ACTR5: variants seen among roughly 807,000 people sequenced by gnomAD.
The protein encoded by ACTR5 is actin related protein 5.
ACTR5 carries 43 observed loss-of-function variants against 61.2 expected under a neutral mutation model. The observed-to-expected ratio is 0.70, with a 90% CI of 0.55 to 0.91. The LOEUF is 0.91. Among genes scored for constraint, ACTR5 ranks in the 40% least tolerant of loss-of-function variants. The pLI, the probability that ACTR5 is intolerant of heterozygous loss-of-function variation, is 0.00. For missense variants in ACTR5, 798 were observed against 782.2 expected, an observed-to-expected ratio of 1.02 and a Z score of -0.24; for synonymous variants, 333 against 310.5, an observed-to-expected ratio of 1.07 and a Z score of -0.76.
Position 38,750,213 on chromosome 20 carries a change from G to T in ACTR5, c.579G>T (p.Thr193=). Residue 193 remains threonine, a synonymous_variant, in exon 2 of 9, where the codon ACG becomes ACT. Transcript: ENST00000243903. ...GLIISSGYQC[T]HVLPILEGRL... ...TCATTTCATCTGGATACCAGTGTAC[G>T]CATGTTTTACCCATCTTAGAAGGGA... 1.2e-6 allele frequency: 2 copies of T among 1,614,136 alleles called. No homozygotes were observed. The highest frequency in any genetic ancestry group is 1.7e-6 in the Non-Finnish European group (2 of 1,179,994).
chr20:38,761,727 C>G (rs2084455871), intron 5 of ACTR5: 1 of 154,174 alleles, frequency 6.5e-6, no homozygotes, highest in Admixed American at 6.5e-5. Context: ...ATACGAGTAG[C>G]TGCGCTCCCC....
In ACTR5 at chr20:38,755,070, A is replaced by AGGCGGCAGCAGCAATTGC; in HGVS notation, c.896_913dup (p.Gln299_Arg304dup). Reference sequence around the variant, plus strand: ...TCTGACCTCTGAGGAGAAACAAGAAAGGCGGCAGCAGCAATTGCGGCGGCT... The same window carrying AGGCGGCAGCAGCAATTGC: ...TCTGACCTCTGAGGAGAAACAAGAAAGGCGGCAGCAGCAATTGCGGCGGCAGCAGCAATTGCGGCGGCT... On this transcript the variant is annotated inframe_insertion, in exon 4 of 9. Transcript: ENST00000243903. The AGGCGGCAGCAGCAATTGC allele has an allele frequency of 1.9e-6, 3 of 1,614,272 alleles. No homozygotes were observed. Among genetic ancestry groups the AGGCGGCAGCAGCAATTGC allele is most frequent in the Non-Finnish European group, 2.5e-6 (3 of 1,180,044 alleles).
chr20:38,748,718 G>C lies in ACTR5; in HGVS notation c.240G>C (p.Val80=). 5 of 1,550,522 alleles carry C rather than the reference G, an allele frequency of 3.2e-6. No individual in the cohort carries two copies. Among genetic ancestry groups the C allele is most frequent in the Non-Finnish European group, 4.3e-6 (5 of 1,150,504 alleles). The change falls in exon 1 of 9, where the codon GTG becomes GTC. Residue 80 remains valine (V), a synonymous_variant. Coordinates refer to ENST00000243903, the MANE Select transcript of ACTR5 (RefSeq NM_024855.4). ...CACGGGGCGCGTCGGGCCCGCAGGT[G>C]GGGAACGCTCTGGGCAGCCTGGAGC... ...GGARGASGPQ[V]GNALGSLEPL... is the part of the protein sequence containing the mutation.
At chr20:38,766,874 G>A (rs1220364258) in intron 7 of ACTR5, among the ~76,000 whole-genome samples, 1 of 152,200 alleles carries the variant, frequency 6.6e-6, no homozygotes, top group Non-Finnish European at 1.5e-5. Context: ...ATGGAATTTT[G>A]TAGGACTCTG....
At chr20:38,765,311 C>A (rs2084479488) in intron 5 of ACTR5, 91 bp from the exon 6 acceptor site, 2 of 903,042 alleles carry the variant, frequency 2.2e-6, no homozygotes, top group Non-Finnish European at 3.6e-6. Flanking sequence ...GAACATTGGG[C>A]AAGATCCCAG....
At chr20:38,757,295 C>T (rs1375940510) in intron 5 of ACTR5, among the ~76,000 whole-genome samples, 1 of 152,156 alleles carries the variant, frequency 6.6e-6, no homozygotes, top group Admixed American at 6.5e-5. Context: ...GGCAAAGGGG[C>T]AGCCTGCAGG....
chr20:38,756,115 G>A (rs1186953394), intron 5 of ACTR5, 76 bp downstream of exon 5: 1 of 1,452,414 alleles, frequency 6.9e-7, no homozygotes, highest in Admixed American at 2.6e-5. Context: ...CAAAGGGGTT[G>A]TGCCCAGAGT....
At position 38,754,020 on chromosome 20, in the gene ACTR5, T is replaced by C. The variant is rs1211242839; in HGVS notation, c.776-937T>C. On this transcript the variant is annotated intron_variant, in intron 3 of 8. Coordinates refer to ENST00000243903, the MANE Select transcript of ACTR5 (RefSeq NM_024855.4). Reference sequence around the variant, plus strand: ...TCTGTATTTACCACTTCAAGGGGAATGTGGAAATGTTAGCAATGTACAGAC... The same window carrying C: ...TCTGTATTTACCACTTCAAGGGGAACGTGGAAATGTTAGCAATGTACAGAC... Among the ~76,000 whole-genome samples, 4 of 152,288 alleles carry C rather than the reference T, an allele frequency of 2.6e-5. 1 individual carries two copies. The South Asian group carries it at 8.3e-4, about 32-fold the overall frequency.
rs552863028 is a variant in ACTR5, at chr20:38,751,779, C to G, written c.606-352C>G. 1.1e-3 allele frequency among the ~76,000 whole-genome samples: 164 copies of G among 152,292 alleles called. 1 individual carries two copies. The highest frequency in any genetic ancestry group is 3.6e-3 in the African/African-American group (151 of 41,580). On this transcript the variant is annotated intron_variant, in intron 2 of 8. Coordinates refer to ENST00000243903, the MANE Select transcript of ACTR5 (RefSeq NM_024855.4). ...AAAATGCAGATCCCCAGGCCCCACC[C>G]CAGAGCAGCTGTGTCCTGGGAATTG... is the stretch of plus-strand genomic sequence containing the variant.
chr20:38,765,585 C>A, intron 6 of ACTR5, 67 bp downstream of exon 6: 1 of 1,337,172 alleles, frequency 7.5e-7, no homozygotes, highest in Non-Finnish European at 1.1e-6. Context: ...CTGGGCTAGT[C>A]TGTTTCTTTA....
chr20:38,754,324 T>C (rs2084404931), intron 3 of ACTR5, among the ~76,000 whole-genome samples: 1 of 152,122 alleles, frequency 6.6e-6, no homozygotes, highest in Non-Finnish European at 1.5e-5. Flanking sequence ...ATGTCCAGGT[T>C]TGGTAGCTGC....
chr20:38,771,582 G>T lies in ACTR5; in HGVS notation c.1590G>T (p.Val530=). 6.2e-7 allele frequency: 1 copy of T among 1,614,004 alleles called. No individual in the cohort carries two copies. The highest frequency in any genetic ancestry group is 8.5e-7 in the Non-Finnish European group (1 of 1,179,904). ...SFQVQLASNP[V]LDAWYGARDW... ...AGGTTCAACTTGCCTCGAACCCTGT[G>T]CTGGATGCCTGGTACGGTGCTCGTG... Residue 530 remains valine (V), a synonymous_variant, in exon 9 of 9, where the codon GTG becomes GTT. Coordinates refer to ENST00000243903, the MANE Select transcript of ACTR5 (RefSeq NM_024855.4).
Position 38,750,169 on chromosome 20 carries a change from T to A in ACTR5, c.535T>A (p.Ser179Thr). Reference sequence around the variant, plus strand: ...CTTCTACCACAATAAGCCAAAGAACTCGATGTGCAGTGGGCTAATCATTTC... The same window carrying A: ...CTTCTACCACAATAAGCCAAAGAACACGATGTGCAGTGGGCTAATCATTTC... ...FSFYHNKPKN[S>T]MCSGLIISSG... is the part of the protein sequence containing the mutation. Residue 179 changes from serine (S) to threonine (T), a missense_variant, in exon 2 of 9, where the codon TCG (serine) becomes ACG (threonine). By Grantham distance (58) the Ser-to-Thr change is moderately conservative. Transcript: ENST00000243903. The A allele has an allele frequency of 6.2e-7, 1 of 1,614,208 alleles. No homozygotes were observed. Among genetic ancestry groups the A allele is most frequent in the Admixed American group, 1.7e-5 (1 of 60,024 alleles).
chr20:38,767,675 A>G, intron 8 of ACTR5, 79 bp downstream of exon 8: 1 of 1,470,240 alleles, frequency 6.8e-7, no homozygotes. Context: ...AATCATGCAG[A>G]AATATCCACT....
chr20:38,749,928 C>T (rs542978478), intron 1 of ACTR5, 82 bp from the exon 2 acceptor site: 2 of 1,230,236 alleles, frequency 1.6e-6, no homozygotes, highest in African/African-American at 1.5e-5. Context: ...TTCAGTCCTG[C>T]AATAAGGATT....
chr20:38,749,623 G>A (rs2084374305), intron 1 of ACTR5, among the ~76,000 whole-genome samples: 1 of 152,196 alleles, frequency 6.6e-6, no homozygotes, highest in Admixed American at 6.5e-5. Flanking sequence ...GCTGTATGGA[G>A]AATGAATTGT....
At chr20:38,749,248 T>C (rs1568633269) in intron 1 of ACTR5, among the ~76,000 whole-genome samples, 1 of 152,032 alleles carries the variant, frequency 6.6e-6, no homozygotes, top group East Asian at 1.9e-4. Flanking sequence ...TTCTACGCCG[T>C]GATAGGAGAG....
rs1393757238 is a variant in ACTR5 at position 38,748,617 on chromosome 20, G to A, written c.139G>A (p.Ala47Thr). ...NGSFQVRAGW[A>T]CPGQDPGPEP... is the part of the protein sequence containing the mutation. ...GTCGTTCCAAGTCCGCGCTGGCTGGGCGTGTCCCGGGCAGGACCCAGGTCC... is the reference window on the plus strand; with the variant it reads ...GTCGTTCCAAGTCCGCGCTGGCTGGACGTGTCCCGGGCAGGACCCAGGTCC... The change falls in exon 1 of 9, where the codon GCG (alanine) becomes ACG (threonine). Residue 47 changes from alanine (A) to threonine (T), a missense_variant. Physicochemically the swap from Ala to Thr is moderately conservative, Grantham distance 58. Transcript: ENST00000243903. The A allele has an allele frequency of 2.0e-5, 31 of 1,523,238 alleles. No individual in the cohort carries two copies. Among genetic ancestry groups the A allele is most frequent in the Non-Finnish European group, 2.7e-5 (31 of 1,137,602 alleles). The allele number at this position is 1,523,238 out of a possible 1,614,324, so 94.4% of individuals were successfully genotyped here.
intron 5 of ACTR5, among the ~76,000 whole-genome samples, chr20:38,756,602 A>G (rs2084421480): frequency 6.6e-6 from 1 of 152,142 alleles, no homozygotes; most frequent in Non-Finnish European, 1.5e-5. Context: ...TCACCCGTGC[A>G]CTGTTAATAA....
Sources: allele counts gnomAD v4.1 joint callset (sites outside exome capture counted in the v4.1 genomes callset), GRCh38; gene constraint gnomAD v4.1.1; transcripts MANE v1.5; gene names NCBI Gene and HGNC (gene_info 2026-07-23, HGNC 2026-07-21).